ANKMY1: variants seen among roughly 807,000 people sequenced by gnomAD.
ANKMY1 encodes ankyrin repeat and MYND domain-containing protein 1.
A neutral mutation model predicts 102.0 loss-of-function variants in ANKMY1; 98 were observed. The observed-to-expected ratio is 0.96, with a 90% CI of 0.82 to 1.14. The LOEUF (loss-of-function observed/expected upper bound fraction) is 1.14. Ranked by LOEUF, ANKMY1 falls within the 50% of genes most tolerant of loss-of-function variation. ANKMY1 has a pLI of 0.00. For missense variants in ANKMY1, 1,330 were observed against 1,347.6 expected (o/e 0.99, Z 0.20); for synonymous variants, 582 against 559.9 (o/e 1.04, Z -0.56).
chr2:240,497,067 G>A (rs1337103490), intron 15 of ANKMY1, among the ~76,000 whole-genome samples: 3 of 151,656 alleles, frequency 2.0e-5, no homozygotes, highest in African/African-American at 7.3e-5. Context: ...CCACTTCCTG[G>A]CCATCTTGGA....
chr2:240,549,976 G>A (rs1347846250), intron 4 of ANKMY1, among the ~76,000 whole-genome samples: 1 of 151,700 alleles, frequency 6.6e-6, no homozygotes, highest in Non-Finnish European at 1.5e-5. Flanking sequence ...CAGGGATCTA[G>A]AACTAGAAAT....
chr2:240,554,686 G>A, intron 3 of ANKMY1, 180 bp downstream of exon 3: 1 of 675,250 alleles, frequency 1.5e-6, no homozygotes, highest in South Asian at 2.4e-5. Context: ...AACCATGGGT[G>A]TGATTTTGGA....
chr2:240,486,904 ATAT>A (rs538090700), intron 15 of ANKMY1, among the ~76,000 whole-genome samples: 13 of 152,142 alleles, frequency 8.5e-5, no homozygotes, highest in East Asian at 5.8e-4. Flanking sequence ...ATTTACACAA[ATAT>A]TATTATTATT....
chr2:240,495,299 C>T (rs1334414843), intron 15 of ANKMY1, among the ~76,000 whole-genome samples: 2 of 152,136 alleles, frequency 1.3e-5, no homozygotes, highest in Non-Finnish European at 2.9e-5. Flanking sequence ...CTCTACTCCA[C>T]CACCTCTTGT....
chr2:240,514,630 C>G (rs200450774), intron 9 of ANKMY1, among the ~76,000 whole-genome samples: 1 of 152,234 alleles, frequency 6.6e-6, no homozygotes, highest in African/African-American at 2.4e-5. Flanking sequence ...ATCCTCTCCA[C>G]GAGGATGTCC....
upstream of ANKMY1, chr2:240,561,007 G>A: frequency 6.5e-7 from 1 of 1,536,748 alleles, no homozygotes; most frequent in South Asian, 1.2e-5. Context: ...AACGGCCGCA[G>A]CCGCTCGGCC....
chr2:240,509,811 G>A (rs952159380), intron 11 of ANKMY1, among the ~76,000 whole-genome samples: 1 of 152,166 alleles, frequency 6.6e-6, no homozygotes, highest in East Asian at 1.9e-4. Context: ...CAGCAGGTGT[G>A]ACTGGAGGAG....
At chr2:240,537,479 G>C (rs1382689272) in intron 4 of ANKMY1, among the ~76,000 whole-genome samples, 1 of 152,190 alleles carries the variant, frequency 6.6e-6, no homozygotes. Context: ...AGGGCAACTT[G>C]AATGTATTTC....
chr2:240,493,188 A>G (rs1219660042), intron 15 of ANKMY1, among the ~76,000 whole-genome samples: 8 of 151,980 alleles, frequency 5.3e-5, no homozygotes, highest in African/African-American at 1.9e-4. Context: ...TTAGCCAGGC[A>G]TGGTGGTGCA....
At chr2:240,495,043 A>G (rs2077065988) in intron 15 of ANKMY1, among the ~76,000 whole-genome samples, 1 of 152,164 alleles carries the variant, frequency 6.6e-6, no homozygotes, top group South Asian at 2.1e-4. Context: ...GAGGCCATAC[A>G]GAGATAGGAG....
chr2:240,557,719 G>A (rs2092538580), intron 1 of ANKMY1, among the ~76,000 whole-genome samples, 162 bp downstream of exon 1: 2 of 152,146 alleles, frequency 1.3e-5, no homozygotes, highest in African/African-American at 4.8e-5. Context: ...GCTCGAGGGT[G>A]GGCTCGGGAG....
chr2:240,495,630 C>T (rs1422826055), intron 15 of ANKMY1, among the ~76,000 whole-genome samples: 1 of 152,146 alleles, frequency 6.6e-6, no homozygotes, highest in Non-Finnish European at 1.5e-5. Flanking sequence ...ACCCTGCCCC[C>T]TTGTCTTGTA....
intron 15 of ANKMY1, among the ~76,000 whole-genome samples, chr2:240,484,260 A>C (rs1265413394): frequency 6.6e-6 from 1 of 152,238 alleles, no homozygotes; most frequent in Non-Finnish European, 1.5e-5. Context: ...CCTAACCAAA[A>C]AGAACAAAGC....
chr2:240,533,447 G>A (rs1012602398), intron 4 of ANKMY1, among the ~76,000 whole-genome samples: 1 of 152,102 alleles, frequency 6.6e-6, no homozygotes, highest in Non-Finnish European at 1.5e-5. Context: ...ATGGAAGCTG[G>A]TAGAATTATT....
intron 16 of ANKMY1, 30 bp downstream of exon 16, chr2:240,482,153 G>A (rs1477491825): frequency 1.9e-6 from 3 of 1,608,810 alleles, no homozygotes. Context: ...CTGCCATCCT[G>A]GAAAGAACCC....
chr2:240,486,987 G>C (rs774232335), intron 15 of ANKMY1, among the ~76,000 whole-genome samples: 20 of 152,134 alleles, frequency 1.3e-4, no homozygotes, highest in Non-Finnish European at 2.9e-4. Flanking sequence ...GATCAAGTTA[G>C]GGTATTCGGG....
intron 9 of ANKMY1, among the ~76,000 whole-genome samples, chr2:240,516,417 T>G (rs1271275001): frequency 1.3e-5 from 2 of 152,198 alleles, no homozygotes; most frequent in African/African-American, 2.4e-5. Flanking sequence ...TGCAAAGTGG[T>G]GTTTAACCTT....
At chr2:240,561,061 T>C (rs1192937841), upstream of ANKMY1, 1 of 1,493,036 alleles carries the variant, frequency 6.7e-7, no homozygotes, top group South Asian at 1.3e-5. Flanking sequence ...GGCCTCAGCC[T>C]GGCGAAGGCC....
In ANKMY1 at chr2:240,520,115, A is replaced by C; in HGVS notation, c.2004+247T>G. ...CCCCTTAGTTTGCTTCAACACTGGG[A>C]AAAAAATCACACGGATCGTGAAGTA... is the stretch of plus-strand genomic sequence containing the variant. On this transcript the variant is annotated intron_variant, in intron 9 of 17. Transcript: ENST00000401804. This position sits in a 1 kb window ranked among gnomAD's most constrained non-coding sequence, Gnocchi z 4.8. 1 of 711,962 alleles carries C rather than the reference A, an allele frequency of 1.4e-6. No individual in the cohort carries two copies. The allele number at this position is 711,962 out of a possible 1,614,324, so 44.1% of individuals were successfully genotyped here. A position where few individuals can be genotyped will look rare whatever the true frequency, so the allele number is the denominator to read the frequency against.
Sources: allele counts gnomAD v4.1 joint callset (sites outside exome capture counted in the v4.1 genomes callset), GRCh38; gene constraint gnomAD v4.1.1; non-coding constraint Gnocchi (gnomAD v3.1); transcripts MANE v1.5; gene names NCBI Gene and HGNC (gene_info 2026-07-23, HGNC 2026-07-21).